KDM5B: variants seen among roughly 807,000 people sequenced by gnomAD.
KDM5B encodes the protein lysine-specific demethylase 5B.
Under a neutral mutation model 193.4 loss-of-function variants are expected in KDM5B, and 144 were observed. The observed-to-expected ratio is 0.74, with a 90% CI of 0.65 to 0.86. The LOEUF (loss-of-function observed/expected upper bound fraction) is 0.86. Ranked by LOEUF, KDM5B falls within the 40% of genes least tolerant of loss-of-function variation. The pLI, the probability that KDM5B is intolerant of heterozygous loss-of-function variation, is 0.00. For missense variants in KDM5B, 1,833 were observed against 1,886.9 expected (o/e 0.97, Z 0.53); for synonymous variants, 668 against 682.6 (o/e 0.98, Z 0.33).
In KDM5B at chr1:202,729,080, T is replaced by G. The variant is rs143666905; in HGVS notation, c.4591A>C (p.Ile1531Leu). Residue 1531 changes from isoleucine to leucine, a missense_variant, in exon 27 of 27, where the codon ATC becomes CTC. Physicochemically the swap from Ile to Leu is conservative, Grantham distance 5. Around this residue, in one of 3 missense-constraint regions of KDM5B, gnomAD observed 1,379 missense variants for 1,349.6 expected, o/e 1.02. Coordinates refer to ENST00000367265, the MANE Select transcript of KDM5B (RefSeq NM_006618.5). Reference protein sequence around the residue: ...SPEMAEKEDYICVRCTVKDAP... With the variant: ...SPEMAEKEDYLCVRCTVKDAP... ...TCCTTCACAGTACAGCGCACACAGA[T>G]GTAGTCTTCTTTCTCTGCCATCTCT... 2 of 1,613,970 alleles carry G rather than the reference T, an allele frequency of 1.2e-6. No individual in the cohort carries two copies. Among genetic ancestry groups the G allele is most frequent in the East Asian group, 2.2e-5 (1 of 44,894 alleles).
chr1:202,775,900 AT>A (rs1248185697), intron 2 of KDM5B, among the ~76,000 whole-genome samples: 4 of 136,416 alleles, frequency 2.9e-5, no homozygotes, highest in Non-Finnish European at 6.3e-5. Context: ...ATATATATAT[AT>A]ATAATATATA....
chr1:202,758,733 TAAC>T (rs1656120479), intron 8 of KDM5B: 1 of 352,608 alleles, frequency 2.8e-6, no homozygotes, highest in Non-Finnish European at 5.1e-6. Flanking sequence ...ATGTCAATTT[TAAC>T]AACCACAACT....
chr1:202,795,789 CTTTT>C (rs529673570), intron 1 of KDM5B, among the ~76,000 whole-genome samples: 1 of 146,200 alleles, frequency 6.8e-6, no homozygotes, highest in African/African-American at 2.5e-5. Context: ...TCCTAATTAA[CTTTT>C]TTTTTTTAAC....
At chr1:202,750,889 AAATTG>A in intron 12 of KDM5B, 111 bp from the exon 13 acceptor site, 2 of 1,126,486 alleles carry the variant, frequency 1.8e-6, no homozygotes, top group South Asian at 3.3e-5. Context: ...CAGCTTTCTG[AAATTG>A]AGCCAGAAAA....
chr1:202,781,148 T>G (rs777747408), intron 1 of KDM5B, among the ~76,000 whole-genome samples: 6 of 152,090 alleles, frequency 3.9e-5, no homozygotes, highest in Non-Finnish European at 8.8e-5. Context: ...CCAAAAAATG[T>G]AAAAATTAGG....
At chr1:202,737,503 A>G (rs1276284511) in intron 20 of KDM5B, among the ~76,000 whole-genome samples, 2 of 152,242 alleles carry the variant, frequency 1.3e-5, no homozygotes, top group African/African-American at 4.8e-5. Context: ...CTCCAATACA[A>G]TGTAAAACTT....
intron 1 of KDM5B, among the ~76,000 whole-genome samples, chr1:202,783,463 C>T (rs1657278663): frequency 6.6e-6 from 1 of 151,914 alleles, no homozygotes; most frequent in South Asian, 2.1e-4. Flanking sequence ...CACGATCATG[C>T]TACTGCACTG....
Position 202,741,516 on chromosome 1 carries a change from G to A in KDM5B, c.2796C>T (p.Ser932=). ...GACGTCTCATATCATCTAAAGTAAG[G>A]GAGCTGGGGTCTAGGCAAGCTTGCT... ...EVQQACLDPS[S]LTLDDMRRLI... is the part of the protein sequence containing the mutation. Residue 932 remains serine, a synonymous_variant, in exon 19 of 27, where the codon TCC becomes TCT. Coordinates refer to ENST00000367265, the MANE Select transcript of KDM5B (RefSeq NM_006618.5). The A allele has an allele frequency of 2.5e-6, 4 of 1,614,240 alleles. No individual in the cohort carries two copies. The highest frequency in any genetic ancestry group is 3.4e-6 in the Non-Finnish European group (4 of 1,180,048).
At chr1:202,790,281 A>AATGGATGG (rs56233815) in intron 1 of KDM5B, among the ~76,000 whole-genome samples, 30 of 151,300 alleles carry the variant, frequency 2.0e-4, no homozygotes, top group East Asian at 3.9e-4. Flanking sequence ...TGAATGAATG[A>AATGGATGG]ATGGATGGAT....
intron 1 of KDM5B, among the ~76,000 whole-genome samples, chr1:202,782,921 G>C (rs1005603264): frequency 6.6e-6 from 1 of 152,142 alleles, no homozygotes; most frequent in Non-Finnish European, 1.5e-5. Flanking sequence ...GAGGCCAAAA[G>C]GGGGAGGACT....
At chr1:202,731,429 T>C (rs979270912) in intron 24 of KDM5B, among the ~76,000 whole-genome samples, 4 of 152,222 alleles carry the variant, frequency 2.6e-5, no homozygotes, top group Non-Finnish European at 5.9e-5. Flanking sequence ...CAAGGAGCTC[T>C]AACCACATTA....
chr1:202,748,834 C>G, intron 14 of KDM5B, 111 bp downstream of exon 14: 1 of 862,184 alleles, frequency 1.2e-6, no homozygotes, highest in Non-Finnish European at 1.8e-6. Flanking sequence ...TTACAATGGC[C>G]TCAAAGAAAA....
intron 11 of KDM5B, among the ~76,000 whole-genome samples, chr1:202,753,884 G>T (rs1407700782): frequency 6.6e-6 from 1 of 151,796 alleles, no homozygotes; most frequent in Non-Finnish European, 1.5e-5. Context: ...TGCCAGGCTG[G>T]TCTCGAACTC....
chr1:202,791,314 CTG>C (rs978293873), intron 1 of KDM5B, among the ~76,000 whole-genome samples: 3 of 152,184 alleles, frequency 2.0e-5, no homozygotes, highest in Non-Finnish European at 4.4e-5. Context: ...TCTATAAAAA[CTG>C]TAATTATCTA....
chr1:202,803,742 C>T (rs1420987484), intron 1 of KDM5B, among the ~76,000 whole-genome samples: 1 of 151,916 alleles, frequency 6.6e-6, no homozygotes, highest in Non-Finnish European at 1.5e-5. Flanking sequence ...TCGCTTGAAC[C>T]CGGGAGGCGG....
At chr1:202,780,708 C>T (rs930833742) in intron 1 of KDM5B, among the ~76,000 whole-genome samples, 1 of 150,918 alleles carries the variant, frequency 6.6e-6, no homozygotes, top group African/African-American at 2.4e-5. Flanking sequence ...TGGAAAGATA[C>T]CCAAGCATCA....
intron 12 of KDM5B, among the ~76,000 whole-genome samples, chr1:202,752,654 G>A (rs1655838389): frequency 6.6e-6 from 1 of 152,136 alleles, no homozygotes; most frequent in African/African-American, 2.4e-5. Context: ...CCAATGAATT[G>A]CAATTATTAC....
Position 202,794,301 on chromosome 1 carries a change from T to C in KDM5B, c.204+13801A>G, listed in dbSNP as rs6680902. On this transcript the variant is annotated intron_variant, in intron 1 of 26. Transcript: ENST00000367265. ...AGACCTTGTAATTATGTGGGCTTGA[T>C]AGGGATTTGTTCTTTGTTTCTGGGG... Among the ~76,000 whole-genome samples, 460 of 152,346 alleles carry C rather than the reference T, an allele frequency of 3.0e-3. 2 individuals are homozygous for C. The highest frequency in any genetic ancestry group is 0.011 in the African/African-American group (445 of 41,580).
In KDM5B at chr1:202,729,271, C is replaced by A. The variant is rs1044093225; in HGVS notation, c.4498-98G>T. ...AGAAATTCAGGCCGTTTGCCAATAA[C>A]AGCCACTGTCCCACCACTGGGACCT... On this transcript the variant is annotated intron_variant, in intron 26 of 26. Transcript: ENST00000367265. The A allele has an allele frequency of 3.0e-6, 4 of 1,329,862 alleles. No individual in the cohort carries two copies. In the African/African-American group the frequency reaches 4.3e-5, roughly 14 times the overall value. 82.4% of individuals were successfully genotyped at this position (1,329,862 alleles called of 1,614,324 possible). A position where few individuals can be genotyped will look rare whatever the true frequency, so the allele number is the denominator to read the frequency against.
Sources: gnomAD v4.1 joint callset for allele counts (sites outside exome capture counted in the v4.1 genomes callset) on GRCh38, gnomAD v4.1.1 for gene constraint, gnomAD v4.1.1 regional missense constraint, MANE v1.5 for transcripts, NCBI Gene and HGNC (gene_info 2026-07-23, HGNC 2026-07-21) for gene names.